The following SCUBE3 variants were observed in gnomAD, a reference collection of about 807,000 sequenced individuals.
The protein encoded by SCUBE3 is signal peptide, CUB domain and EGF like domain containing 3, also known as signal peptide, CUB and EGF-like domain-containing protein 3.
SCUBE3 carries 33 observed loss-of-function variants against 116.8 expected under a neutral mutation model. The observed-to-expected ratio is 0.28, with a 90% confidence interval of 0.21 to 0.38. The LOEUF (loss-of-function observed/expected upper bound fraction) is 0.38, where lower values mean the gene tolerates loss of function less well. Ranked by LOEUF, SCUBE3 falls within the 10% of genes least tolerant of loss-of-function variation. The pLI is 1.00. For missense variants in SCUBE3, 1,007 were observed against 1,324.8 expected (o/e 0.76, Z 3.72); for synonymous variants, 418 against 496.9 (o/e 0.84, Z 2.11).
chr6:35,229,335 AG>A (rs1387626955), intron 3 of SCUBE3, among the ~76,000 whole-genome samples: 3 of 152,170 alleles, frequency 2.0e-5, no homozygotes, highest in African/African-American at 7.2e-5. Flanking sequence ...GCTTGAGCCT[AG>A]GAAGTCGAGG....
chr6:35,225,503 G>A lies in SCUBE3; in HGVS notation c.86-2077G>A, dbSNP rs188922060. 5.9e-5 allele frequency among the ~76,000 whole-genome samples: 9 copies of A among 152,286 alleles called. No homozygotes were observed. The East Asian group carries it at 1.5e-3, about 26-fold the overall frequency. On this transcript the variant is annotated intron_variant, in intron 1 of 21. Coordinates refer to ENST00000274938, the MANE Select transcript of SCUBE3 (RefSeq NM_152753.4). ...CACGTTGGGATGACTTCCCAGGATG[G>A]GCCAGCAGGTAGACACCATGCCTAT...
chr6:35,224,198 A>T (rs997335851), intron 1 of SCUBE3: 1 of 152,342 alleles, frequency 6.6e-6, no homozygotes, highest in African/African-American at 2.4e-5. Flanking sequence ...ATGGTTAGGT[A>T]TTGTAGAGGG....
Position 35,243,735 on chromosome 6 carries a change from C to G in SCUBE3, c.2051C>G (p.Thr684Ser). ...GSDAHGPLGA[T>S]NVTTCAGQCP... is the part of the protein sequence containing the mutation. Reference sequence around the variant, plus strand: ...GATGCCCACGGGCCTCTTGGAGCCACCAACGTCACCACGTGTGCAGGTGCC... The same window carrying G: ...GATGCCCACGGGCCTCTTGGAGCCAGCAACGTCACCACGTGTGCAGGTGCC... The change falls in exon 16 of 22, where the codon ACC (threonine) becomes AGC (serine). Residue 684 changes from threonine (T) to serine (S), a missense_variant. By Grantham distance (58) the Thr-to-Ser change is moderately conservative. This residue lies in a region of SCUBE3 where 544 missense variants were observed against 638.9 expected (regional missense o/e 0.85). Coordinates refer to ENST00000274938, the MANE Select transcript of SCUBE3 (RefSeq NM_152753.4). This position sits in a 1 kb window ranked among gnomAD's most constrained non-coding sequence, Gnocchi z 6.6. 1 of 1,614,086 alleles carries G rather than the reference C, an allele frequency of 6.2e-7. No homozygotes were observed. Among genetic ancestry groups the G allele is most frequent in the Non-Finnish European group, 8.5e-7 (1 of 1,179,972 alleles).
At chr6:35,229,211 C>T (rs1740716540) in intron 3 of SCUBE3, among the ~76,000 whole-genome samples, 1 of 152,132 alleles carries the variant, frequency 6.6e-6, no homozygotes, top group South Asian at 2.1e-4. Context: ...GAGTTCAAGA[C>T]AGGCCTGGGC....
rs1220485808 is a variant in SCUBE3, at chr6:35,243,639, G to A, written c.1955G>A (p.Cys652Tyr). The A allele has an allele frequency of 1.2e-6, 2 of 1,614,162 alleles. No homozygotes were observed. The highest frequency in any genetic ancestry group is 2.2e-5 in the East Asian group (1 of 44,876). ...GTYYHGQTEQ[C>Y]VPCPAGTFQE... Reference sequence around the variant, plus strand: ...TATTACCACGGCCAGACGGAGCAGTGTGTGCCATGCCCAGCGGGCACCTTC... The same window carrying A: ...TATTACCACGGCCAGACGGAGCAGTATGTGCCATGCCCAGCGGGCACCTTC... Residue 652 changes from cysteine (C) to tyrosine (Y), a missense_variant, in exon 16 of 22, where the codon TGT (cysteine) becomes TAT (tyrosine). By Grantham distance (194) the Cys-to-Tyr change is radical. Around this residue, in one of 5 missense-constraint regions of SCUBE3, gnomAD observed 544 missense variants for 638.9 expected, o/e 0.85. Transcript: ENST00000274938. The surrounding 1 kb of genome is among the most constrained non-coding windows in gnomAD (Gnocchi z 6.6).
intron 1 of SCUBE3, chr6:35,223,959 CGCTTT>C (rs1562043250): frequency 6.6e-6 from 1 of 152,176 alleles, no homozygotes; most frequent in African/African-American, 2.4e-5. Context: ...AAGCTGAACA[CGCTTT>C]AAAGTATTAG....
rs1784294809 is a variant in SCUBE3 at position 35,245,467 on chromosome 6, A to C, written c.2599+42A>C. Reference sequence around the variant, plus strand: ...GCTGGGCCAGGGAAGGGCAGTCCAAATCTGGTTAAGGCGGAGAACAAAGAG... The same window carrying C: ...GCTGGGCCAGGGAAGGGCAGTCCAACTCTGGTTAAGGCGGAGAACAAAGAG... On this transcript the variant is annotated intron_variant, in intron 19 of 21. Transcript: ENST00000274938. The surrounding 1 kb of genome is among the most constrained non-coding windows in gnomAD (Gnocchi z 4.2). 4 of 1,536,900 alleles carry C rather than the reference A, an allele frequency of 2.6e-6. No homozygotes were observed. The highest frequency in any genetic ancestry group is 3.6e-6 in the Non-Finnish European group (4 of 1,109,660).
chr6:35,244,911 G>C lies in SCUBE3; in HGVS notation c.2401+100G>C. Reference sequence around the variant, plus strand: ...AAACCAACAGGGAGCAGGGCTGGGGGGTGGAGGAGCAGGAAAACTCCACCT... The same window carrying C: ...AAACCAACAGGGAGCAGGGCTGGGGCGTGGAGGAGCAGGAAAACTCCACCT... On this transcript the variant is annotated intron_variant, in intron 18 of 21. Transcript: ENST00000274938. The surrounding 1 kb of genome is among the most constrained non-coding windows in gnomAD (Gnocchi z 4.3). 1 of 1,224,128 alleles carries C rather than the reference G, an allele frequency of 8.2e-7. No individual in the cohort carries two copies. The highest frequency in any genetic ancestry group is 1.2e-6 in the Non-Finnish European group (1 of 854,740). 75.8% of individuals were successfully genotyped at this position (1,224,128 alleles called of 1,614,324 possible).
At position 35,241,803 on chromosome 6, in the gene SCUBE3, C is replaced by CA; in HGVS notation, c.1313-2dup. 2 of 1,611,574 alleles carry CA rather than the reference C, an allele frequency of 1.2e-6. No homozygotes were observed. Among genetic ancestry groups the CA allele is most frequent in the Non-Finnish European group, 8.5e-7 (1 of 1,177,944 alleles). On this transcript the variant is annotated splice_region_variant and splice_polypyrimidine_tract_variant and intron_variant, in intron 11 of 21. Coordinates refer to ENST00000274938, the MANE Select transcript of SCUBE3 (RefSeq NM_152753.4). This position sits in a 1 kb window ranked among gnomAD's most constrained non-coding sequence, Gnocchi z 4.1. The stretch of plus-strand genomic sequence containing the variant: ...CAGAACTGTGACAGGCTCCTTTTCT[C>CA]AGAGTCTGAGAATGGCTTCACGGTG...
chr6:35,246,646 C>T (rs765977792), intron 21 of SCUBE3, among the ~76,000 whole-genome samples: 1 of 152,214 alleles, frequency 6.6e-6, no homozygotes, highest in Admixed American at 6.5e-5. Flanking sequence ...GCATAAGTCC[C>T]TTCCTTCCCC....
chr6:35,246,042 A>C lies in SCUBE3; in HGVS notation c.2698A>C (p.Thr900Pro). The change falls in exon 20 of 22, where the codon ACA becomes CCA. Residue 900 changes from threonine to proline, a missense_variant. Transcript: ENST00000274938. ...RSRKLWINFK[T>P]SEANSARGFQ... ...CAGGAAGCTCTGGATCAACTTCAAG[A>C]CAAGCGAGGCCAACAGCGCCCGTGG... 6.2e-7 allele frequency: 1 copy of C among 1,614,066 alleles called. No individual in the cohort carries two copies. The highest frequency in any genetic ancestry group is 8.5e-7 in the Non-Finnish European group (1 of 1,179,998).
chr6:35,236,363 C>T (rs1299962343), intron 6 of SCUBE3, among the ~76,000 whole-genome samples: 3 of 152,220 alleles, frequency 2.0e-5, no homozygotes, highest in Admixed American at 1.3e-4. Context: ...ATCCTACATC[C>T]TTCAGAAGCT....
Position 35,232,731 on chromosome 6 carries a change from G to A in SCUBE3, c.470-119G>A, listed in dbSNP as rs1783603197. ...GGACAAGGAGAGTCAGTCCCCTCGT[G>A]TTGAATTCAACCTCAGTAGAATTCT... On this transcript the variant is annotated intron_variant, in intron 4 of 21. Transcript: ENST00000274938. The surrounding 1 kb of genome is among the most constrained non-coding windows in gnomAD (Gnocchi z 4.2). 2.0e-6 allele frequency: 2 copies of A among 993,238 alleles called. No homozygotes were observed. Among genetic ancestry groups the A allele is most frequent in the African/African-American group, 1.6e-5 (1 of 62,240 alleles). 61.5% of individuals were successfully genotyped at this position (993,238 alleles called of 1,614,324 possible). A position where few individuals can be genotyped will look rare whatever the true frequency, so the allele number is the denominator to read the frequency against.
rs765482776 is a variant in SCUBE3, at chr6:35,241,102, T to C, written c.1070-39T>C. The C allele has an allele frequency of 2.6e-6, 4 of 1,560,774 alleles. No individual in the cohort carries two copies. The highest frequency in any genetic ancestry group is 3.5e-6 in the Non-Finnish European group (4 of 1,144,770). On this transcript the variant is annotated intron_variant, in intron 9 of 21. Transcript: ENST00000274938. This position sits in a 1 kb window ranked among gnomAD's most constrained non-coding sequence, Gnocchi z 4.1. ...CCTACTCTCCGGCTCCTCCTCCAACTCCATCGTTGTTTTTCTGTCTCCCTA... is the reference window on the plus strand; with the variant it reads ...CCTACTCTCCGGCTCCTCCTCCAACCCCATCGTTGTTTTTCTGTCTCCCTA...
In SCUBE3 at chr6:35,244,738, G is replaced by C; in HGVS notation, c.2328G>C (p.Gln776His). 6.2e-7 allele frequency: 1 copy of C among 1,614,218 alleles called. No individual in the cohort carries two copies. The highest frequency in any genetic ancestry group is 8.5e-7 in the Non-Finnish European group (1 of 1,180,036). ...AMGSYQPDFR[Q>H]NFCSRCPGNT... ...GCTCCTATCAGCCCGACTTCCGTCAGAACTTCTGCAGCCGCTGTCCAGGAA... is the reference window on the plus strand; with the variant it reads ...GCTCCTATCAGCCCGACTTCCGTCACAACTTCTGCAGCCGCTGTCCAGGAA... The change falls in exon 18 of 22, where the codon CAG (glutamine) becomes CAC (histidine). Residue 776 changes from glutamine to histidine, a missense_variant. By Grantham distance (24) the Gln-to-His change is conservative. Coordinates refer to ENST00000274938, the MANE Select transcript of SCUBE3 (RefSeq NM_152753.4). This position sits in a 1 kb window ranked among gnomAD's most constrained non-coding sequence, Gnocchi z 4.3.
At position 35,233,343 on chromosome 6, in the gene SCUBE3, G is replaced by A. The variant is rs757110010; in HGVS notation, c.712+42G>A. The A allele has an allele frequency of 8.4e-7, 1 of 1,188,000 alleles. No homozygotes were observed. The highest frequency in any genetic ancestry group is 2.3e-5 in the East Asian group (1 of 42,890). 73.6% of individuals were successfully genotyped at this position (1,188,000 alleles called of 1,614,324 possible). ...GAGAACTCAGTCCACCTGAGATGGG[G>A]TGGGGGTGGGACCCTTTGGGAACCA... On this transcript the variant is annotated intron_variant, in intron 6 of 21. Transcript: ENST00000274938. This position sits in a 1 kb window ranked among gnomAD's most constrained non-coding sequence, Gnocchi z 5.7.
At chr6:35,225,959 T>C (rs1783305025) in intron 1 of SCUBE3, among the ~76,000 whole-genome samples, 1 of 152,254 alleles carries the variant, frequency 6.6e-6, no homozygotes, top group South Asian at 2.1e-4. Context: ...TGTGCTCAGT[T>C]GTGGGATCAC....
chr6:35,243,216 A>C lies in SCUBE3; in HGVS notation c.1889A>C (p.His630Pro). The part of the protein sequence containing the change: ...EPMESCRPGQ[H>P]RAGTKCVSCP... ...ATGGAGTCCTGTAGGCCCGGGCAGC[A>C]CCGTGCTGGGACCAAGTGTGGTAAG... Residue 630 changes from histidine (H) to proline (P), a missense_variant, in exon 15 of 22, where the codon CAC becomes CCC. His to Pro is a moderately conservative substitution (Grantham distance 77, BLOSUM62 -2). Around this residue, in one of 5 missense-constraint regions of SCUBE3, gnomAD observed 544 missense variants for 638.9 expected, o/e 0.85. Transcript: ENST00000274938. This position sits in a 1 kb window ranked among gnomAD's most constrained non-coding sequence, Gnocchi z 6.6. 3.1e-6 allele frequency: 5 copies of C among 1,614,018 alleles called. No homozygotes were observed. The highest frequency in any genetic ancestry group is 4.2e-6 in the Non-Finnish European group (5 of 1,179,996).
In SCUBE3 at chr6:35,214,591, G is replaced by T; in HGVS notation, c.85+88G>T. The T allele has an allele frequency of 1.2e-6, 1 of 804,368 alleles. No homozygotes were observed. Among genetic ancestry groups the T allele is most frequent in the East Asian group, 3.4e-5 (1 of 29,524 alleles). The allele number at this position is 804,368 out of a possible 1,614,324, so 49.8% of individuals were successfully genotyped here. ...GCGATTCCCGAGGGGCAGGGCAGGTGCTGGGGAGCGTGCTGCTGTCAGAAC... is the reference window on the plus strand; with the variant it reads ...GCGATTCCCGAGGGGCAGGGCAGGTTCTGGGGAGCGTGCTGCTGTCAGAAC... On this transcript the variant is annotated intron_variant, in intron 1 of 21. Transcript: ENST00000274938. The surrounding 1 kb of genome is among the most constrained non-coding windows in gnomAD (Gnocchi z 6.3).
Sources: gnomAD v4.1 joint callset for allele counts (sites outside exome capture counted in the v4.1 genomes callset) on GRCh38, gnomAD v4.1.1 for gene constraint, gnomAD v4.1.1 regional missense constraint, Gnocchi (gnomAD v3.1) non-coding constraint, MANE v1.5 for transcripts, NCBI Gene and HGNC (gene_info 2026-07-23, HGNC 2026-07-21) for gene names.